The following WWC1 variants were observed in gnomAD, a reference collection of about 807,000 sequenced individuals.
WWC1 encodes the protein protein KIBRA.
Under a neutral mutation model 138.4 loss-of-function variants are expected in WWC1, and 55 were observed. The observed-to-expected ratio is 0.40, with a 90% CI of 0.32 to 0.50. The LOEUF is 0.50. WWC1 is among the 20% of genes least tolerant of loss of function. WWC1 has a pLI of 0.72. For missense variants in WWC1, 1,226 were observed against 1,420.4 expected, an observed-to-expected ratio of 0.86 and a Z score of 2.20; for synonymous variants, 524 against 564.9, an observed-to-expected ratio of 0.93 and a Z score of 1.03.
rs142809673 is a variant in WWC1, at chr5:168,436,256, C to T, written c.2280+4812C>T. Among the ~76,000 whole-genome samples, 648 of 152,264 alleles carry T rather than the reference C, an allele frequency of 4.3e-3. 8 individuals are homozygous for T. Among genetic ancestry groups the T allele is most frequent in the African/African-American group, 0.015 (615 of 41,550 alleles). On this transcript the variant is annotated intron_variant, in intron 15 of 22. Transcript: ENST00000265293. ...TTCTGGACCTGCCAGCTACATTTGC[C>T]ACAGTTGCTGACTCCACCTCCTTCA...
chr5:168,458,125 A>G (rs1442319685), intron 19 of WWC1, among the ~76,000 whole-genome samples: 5 of 152,152 alleles, frequency 3.3e-5, no homozygotes, highest in African/African-American at 1.2e-4. Flanking sequence ...CACCCACAGG[A>G]TGGGATTTCA....
At chr5:168,447,801 C>G (rs2152877939) in intron 17 of WWC1, among the ~76,000 whole-genome samples, 1 of 151,932 alleles carries the variant, frequency 6.6e-6, no homozygotes, top group Non-Finnish European at 1.5e-5. Context: ...CTTTCTCTCT[C>G]TCTGTCTGTT....
intron 19 of WWC1, among the ~76,000 whole-genome samples, chr5:168,457,135 AG>A: frequency 7.8e-6 from 1 of 128,418 alleles, no homozygotes; most frequent in South Asian, 2.6e-4. Context: ...ACAGGTAGAA[AG>A]GGCATTTTTT....
chr5:168,403,737 G>A (rs554085070), intron 5 of WWC1, among the ~76,000 whole-genome samples: 8 of 152,246 alleles, frequency 5.3e-5, no homozygotes, highest in African/African-American at 1.7e-4. Flanking sequence ...GCCCAGGCAG[G>A]AGGTGTCTGG....
chr5:168,311,351 C>T (rs2112556), intron 1 of WWC1, among the ~76,000 whole-genome samples: 53,080 of 151,926 alleles, frequency 0.35, 9,666 homozygotes, highest in Admixed American at 0.41. Flanking sequence ...CAAGGAATAG[C>T]GGCCCCTGCT....
chr5:168,407,924 A>G (rs1053865678), intron 6 of WWC1, among the ~76,000 whole-genome samples: 1 of 151,474 alleles, frequency 6.6e-6, no homozygotes, highest in South Asian at 2.1e-4. Context: ...ATGCAGTGGC[A>G]TGATCATAGC....
At chr5:168,391,062 A>G (rs536400350) in intron 3 of WWC1, among the ~76,000 whole-genome samples, 5 of 152,264 alleles carry the variant, frequency 3.3e-5, no homozygotes, top group African/African-American at 1.2e-4. Context: ...CAATTTTCTT[A>G]ATTTAACCCA....
chr5:168,368,090 CT>C (rs59582303), intron 1 of WWC1, among the ~76,000 whole-genome samples: 89 of 129,656 alleles, frequency 6.9e-4, no homozygotes, highest in Middle Eastern at 4.2e-3. Context: ...AACACTTCAT[CT>C]TTTTTTTTTT....
Position 168,348,181 on chromosome 5 carries a change from G to A in WWC1, c.120-23243G>A, listed in dbSNP as rs948105071. On this transcript the variant is annotated intron_variant, in intron 1 of 22. Coordinates refer to ENST00000265293, the MANE Select transcript of WWC1 (RefSeq NM_015238.3). ...CGTTTCCTGAAGGTGGCCAAGAGAA[G>A]TGATGTGCACCGGCCACACAGCTGG... Among the ~76,000 whole-genome samples the A allele has an allele frequency of 2.6e-5, 4 of 152,236 alleles. No homozygotes were observed. In the East Asian group the frequency reaches 7.7e-4, roughly 29 times the overall value.
intron 11 of WWC1, among the ~76,000 whole-genome samples, chr5:168,425,110 AG>A (rs1781402205): frequency 6.6e-6 from 1 of 152,166 alleles, no homozygotes; most frequent in African/African-American, 2.4e-5. Flanking sequence ...AGATTCAGAG[AG>A]GTGATGTCAC....
At chr5:168,298,542 A>G (rs1044105865) in intron 1 of WWC1, among the ~76,000 whole-genome samples, 1 of 152,200 alleles carries the variant, frequency 6.6e-6, no homozygotes, top group South Asian at 2.1e-4. Context: ...GGAGTCTACC[A>G]TGCCTGGGAA....
intron 15 of WWC1, among the ~76,000 whole-genome samples, chr5:168,437,867 AT>A (rs1242799651): frequency 1.3e-5 from 2 of 152,168 alleles, no homozygotes; most frequent in Non-Finnish European, 2.9e-5. Context: ...ATAGCTGTCT[AT>A]CCCCCTAGGA....
chr5:168,463,109 T>C (rs893684795), intron 20 of WWC1, among the ~76,000 whole-genome samples: 1 of 152,218 alleles, frequency 6.6e-6, no homozygotes, highest in Non-Finnish European at 1.5e-5. Context: ...GTATTTGTTT[T>C]CTATTGCTGC....
rs1757549987 is a variant in WWC1 at position 168,469,052 on chromosome 5, AGGCTGTG to A, written c.*36_*42del. On this transcript the variant is annotated 3_prime_UTR_variant, in exon 23 of 23. Coordinates refer to ENST00000265293, the MANE Select transcript of WWC1 (RefSeq NM_015238.3). ...AAGTATTTCCTTTGTTCCACTGACC[AGGCTGTG>A]AACATTGACTGTGGCTAAAGTTATT... 1 of 1,612,264 alleles carries A rather than the reference AGGCTGTG, an allele frequency of 6.2e-7. No individual in the cohort carries two copies. Among genetic ancestry groups the A allele is most frequent in the Admixed American group, 1.7e-5 (1 of 59,996 alleles).
Position 168,409,992 on chromosome 5 carries a change from G to A in WWC1, c.938G>A (p.Arg313Lys). ...RLRLRYEEAK[R>K]RIANLKIQLA... is the part of the protein sequence containing the mutation. ...CGCCTTCGATATGAAGAGGCTAAGA[G>A]AAGGTAATTGGGCTGGGGCTAGGGG... Residue 313 changes from arginine to lysine, a missense_variant, in exon 8 of 23, where the codon AGA becomes AAA. Physicochemically the swap from Arg to Lys is conservative, Grantham distance 26 (BLOSUM62 2). Transcript: ENST00000265293. 6.2e-7 allele frequency: 1 copy of A among 1,613,470 alleles called. No homozygotes were observed. Among genetic ancestry groups the A allele is most frequent in the Non-Finnish European group, 8.5e-7 (1 of 1,179,748 alleles).
chr5:168,403,070 C>CTTTTCTTTCT (rs148600569), intron 5 of WWC1, among the ~76,000 whole-genome samples: 1 of 86,832 alleles, frequency 1.2e-5, no homozygotes, highest in African/African-American at 5.1e-5. Flanking sequence ...TTCTTTCTTT[C>CTTTTCTTTCT]TTTCTTTCTT....
chr5:168,358,917 C>T (rs1582028160), intron 1 of WWC1, among the ~76,000 whole-genome samples: 1 of 152,222 alleles, frequency 6.6e-6, no homozygotes, highest in East Asian at 1.9e-4. Context: ...CTCTAACCCT[C>T]CTCCCCAGGC....
intron 1 of WWC1, among the ~76,000 whole-genome samples, chr5:168,303,480 A>C (rs1770275301): frequency 6.6e-6 from 1 of 152,066 alleles, no homozygotes. Flanking sequence ...ATGGTGGTCC[A>C]CACCTATAGT....
At chr5:168,430,044 A>C in intron 13 of WWC1, 93 bp from the exon 14 acceptor site, 1 of 1,024,126 alleles carries the variant, frequency 9.8e-7, no homozygotes, top group South Asian at 1.5e-5. Context: ...CAGGGCAGCC[A>C]ACAGCCACGT....
Sources: allele counts gnomAD v4.1 joint callset (sites outside exome capture counted in the v4.1 genomes callset), GRCh38; gene constraint gnomAD v4.1.1; transcripts MANE v1.5; gene names NCBI Gene and HGNC (gene_info 2026-07-23, HGNC 2026-07-21).